OSBPL9: variants seen among roughly 807,000 people sequenced by gnomAD.
OSBPL9 encodes the protein oxysterol binding protein like 9.
In OSBPL9, 40 loss-of-function variants were observed where a neutral mutation model predicts 106.6. The ratio of observed to expected loss-of-function variants is 0.38; its 90% CI spans 0.29 to 0.49. The LOEUF (loss-of-function observed/expected upper bound fraction) is 0.49, where lower values mean the gene tolerates loss of function less well. Among genes scored for constraint, OSBPL9 ranks in the 20% least tolerant of loss-of-function variants. The pLI is 0.97. For synonymous variants in OSBPL9, 269 were observed against 295.4 expected (o/e 0.91, Z 0.92); for missense variants, 609 against 887.2 (o/e 0.69, Z 3.98).
At chr1:51,545,002 C>T in the OSBPL9 span, among the ~76,000 whole-genome samples, 1 of 152,050 alleles carries the variant, frequency 6.6e-6, no homozygotes, top group East Asian at 1.9e-4. Flanking sequence ...CACTACCACT[C>T]CTGGCTAATT....
chr1:51,564,832 C>T, the OSBPL9 span, among the ~76,000 whole-genome samples: 1 of 152,318 alleles, frequency 6.6e-6, no homozygotes, highest in South Asian at 2.1e-4. Context: ...GGCCTGCAGC[C>T]TCTCTACTCT....
At chr1:51,617,569 C>G (rs995444780) in intron 1 of OSBPL9, among the ~76,000 whole-genome samples, 7 of 152,124 alleles carry the variant, frequency 4.6e-5, no homozygotes, top group African/African-American at 1.7e-4. Flanking sequence ...GCGGTTCATG[C>G]TGTCTTCATA....
chr1:51,724,224 G>C (rs1662683135), intron 4 of OSBPL9, among the ~76,000 whole-genome samples: 1 of 152,022 alleles, frequency 6.6e-6, no homozygotes, highest in Admixed American at 6.6e-5. Context: ...GGGATTACAG[G>C]CCTGAGCTAC....
At position 51,766,092 on chromosome 1, in the gene OSBPL9, G is replaced by A; in HGVS notation, c.938+111G>A. ...GACTTGCCTCATCAGTTATTATTTG[G>A]GAAAATTAAAAGGGCAACCTTTTTA... On this transcript the variant is annotated intron_variant, in intron 12 of 23. Transcript: ENST00000428468. 2 of 1,136,378 alleles carry A rather than the reference G, an allele frequency of 1.8e-6. 1 individual carries two copies. Among genetic ancestry groups the A allele is most frequent in the Middle Eastern group, 4.5e-4 (2 of 4,464 alleles). The allele number at this position is 1,136,378 out of a possible 1,614,324, so 70.4% of individuals were successfully genotyped here.
In OSBPL9 at chr1:51,782,653, A is replaced by G. The variant is rs1313660762; in HGVS notation, c.1513+10A>G. 4 of 1,612,902 alleles carry G rather than the reference A, an allele frequency of 2.5e-6. No homozygotes were observed. The highest frequency in any genetic ancestry group is 3.4e-6 in the Non-Finnish European group (4 of 1,178,956). ...TCCCATCATCCACCCAGTAAGTTACAGAGCTCCTCTGCAACCTGTGCTCTC... is the reference window on the plus strand; with the variant it reads ...TCCCATCATCCACCCAGTAAGTTACGGAGCTCCTCTGCAACCTGTGCTCTC... On this transcript the variant is annotated intron_variant, in intron 17 of 23. Transcript: ENST00000428468.
chr1:51,575,127 A>G (rs1645175491), upstream of OSBPL9, among the ~76,000 whole-genome samples: 1 of 152,136 alleles, frequency 6.6e-6, no homozygotes, highest in Admixed American at 6.6e-5. Flanking sequence ...CTTCAGGGTA[A>G]ACTTTATTTG....
the OSBPL9 span, among the ~76,000 whole-genome samples, chr1:51,541,290 G>A: frequency 1.3e-5 from 2 of 152,112 alleles, no homozygotes; most frequent in African/African-American, 4.8e-5. Flanking sequence ...AGAAATATCT[G>A]TTGTCTATCC....
intron 9 of OSBPL9, among the ~76,000 whole-genome samples, chr1:51,757,876 A>G (rs1291428069): frequency 1.3e-5 from 2 of 152,174 alleles, no homozygotes; most frequent in Non-Finnish European, 2.9e-5. Flanking sequence ...TAAGGTACAG[A>G]ACAAGCGCAT....
At chr1:51,603,115 A>G (rs915021183) in intron 2 of OSBPL9, among the ~76,000 whole-genome samples, 8 of 152,234 alleles carry the variant, frequency 5.3e-5, no homozygotes, top group African/African-American at 1.9e-4. Flanking sequence ...TGATCGTGCC[A>G]CTGTACTCCA....
chr1:51,525,791 C>G, the OSBPL9 span, among the ~76,000 whole-genome samples: 2 of 152,218 alleles, frequency 1.3e-5, no homozygotes, highest in East Asian at 1.9e-4. Flanking sequence ...ATTTACATCA[C>G]CCAGCTGCAG....
intron 3 of OSBPL9, among the ~76,000 whole-genome samples, chr1:51,703,435 T>C (rs930611713): frequency 1.3e-5 from 2 of 152,228 alleles, no homozygotes; most frequent in Non-Finnish European, 2.9e-5. Flanking sequence ...ATGATTTGGC[T>C]CTTTGTTTGT....
chr1:51,526,687 T>C, the OSBPL9 span, among the ~76,000 whole-genome samples: 1 of 152,126 alleles, frequency 6.6e-6, no homozygotes, highest in Non-Finnish European at 1.5e-5. Flanking sequence ...TTTTTAAATC[T>C]AGTGGCCTGG....
At chr1:51,558,152 C>G in the OSBPL9 span, among the ~76,000 whole-genome samples, 1 of 151,668 alleles carries the variant, frequency 6.6e-6, no homozygotes, top group Admixed American at 6.6e-5. Context: ...TAGTGGCGGG[C>G]GCCTGTAGTC....
At chr1:51,713,668 C>T (rs1660531711) in intron 3 of OSBPL9, among the ~76,000 whole-genome samples, 1 of 152,148 alleles carries the variant, frequency 6.6e-6, no homozygotes, top group Admixed American at 6.5e-5. Context: ...CAGATCTTGG[C>T]TTGGTAATTC....
chr1:51,673,087 G>T (rs975169502), intron 3 of OSBPL9, among the ~76,000 whole-genome samples: 1 of 152,146 alleles, frequency 6.6e-6, no homozygotes. Flanking sequence ...TTGAGAGGGC[G>T]CAAGATGAGG....
At chr1:51,556,271 G>A in the OSBPL9 span, among the ~76,000 whole-genome samples, 2 of 152,154 alleles carry the variant, frequency 1.3e-5, no homozygotes, top group Non-Finnish European at 2.9e-5. Flanking sequence ...TTCAAAAAGG[G>A]CAAAATGATG....
At chr1:51,735,838 G>C (rs1189070762) in intron 4 of OSBPL9, among the ~76,000 whole-genome samples, 7 of 152,134 alleles carry the variant, frequency 4.6e-5, no homozygotes, top group African/African-American at 1.7e-4. Context: ...CTTGTTTCTT[G>C]TTTTACTACC....
At chr1:51,685,946 C>A in intron 3 of OSBPL9, among the ~76,000 whole-genome samples, 1 of 152,258 alleles carries the variant, frequency 6.6e-6, no homozygotes, top group South Asian at 2.1e-4. Flanking sequence ...AAGTCTCTAT[C>A]TTTGCCAGGG....
chr1:51,535,165 G>C, the OSBPL9 span, among the ~76,000 whole-genome samples: 1 of 152,318 alleles, frequency 6.6e-6, no homozygotes, highest in African/African-American at 2.4e-5. Flanking sequence ...CCACCAAATT[G>C]CGTGCAGCAT....
Sources: allele counts gnomAD v4.1 joint callset (sites outside exome capture counted in the v4.1 genomes callset), GRCh38; gene constraint gnomAD v4.1.1; transcripts MANE v1.5; gene names NCBI Gene and HGNC (gene_info 2026-07-23, HGNC 2026-07-21).